Variants in KCNJ1 observed in about 807,000 individuals in gnomAD.
The protein encoded by KCNJ1 is potassium inwardly rectifying channel subfamily J member 1.
KCNJ1 carries 24 observed loss-of-function variants against 21.9 expected under a neutral mutation model. The ratio of observed to expected loss-of-function variants is 1.10; its 90% CI spans 0.79 to 1.54. The LOEUF (loss-of-function observed/expected upper bound fraction) is 1.54. Among genes scored for constraint, KCNJ1 ranks in the 40% most tolerant of loss-of-function variants. The pLI, the probability that KCNJ1 is intolerant of heterozygous loss-of-function variation, is 0.00. For synonymous variants in KCNJ1, 152 were observed against 160.9 expected, an observed-to-expected ratio of 0.94 and a Z score of 0.42; for missense variants, 457 against 455.4, an observed-to-expected ratio of 1.00 and a Z score of -0.03.
intron 1 of KCNJ1, among the ~76,000 whole-genome samples, chr11:128,851,830 C>T (rs980590840): frequency 1.3e-5 from 2 of 152,198 alleles, no homozygotes; most frequent in Non-Finnish European, 1.5e-5. Context: ...TATGGACACT[C>T]GGAGACTAGT....
chr11:128,861,060 A>C (rs2855800), intron 1 of KCNJ1, among the ~76,000 whole-genome samples: 41,824 of 152,156 alleles, frequency 0.27, 5,958 homozygotes, highest in South Asian at 0.35. Flanking sequence ...CCCAGGCACA[A>C]GCAGGGCCCA....
intron 1 of KCNJ1, chr11:128,866,626 T>C (rs1943820063): frequency 3.7e-6 from 2 of 547,512 alleles, no homozygotes; most frequent in Non-Finnish European, 4.7e-6. Flanking sequence ...AATGTATCCA[T>C]TCAGAATGGT....
In KCNJ1 at chr11:128,838,927, T is replaced by C; in HGVS notation, c.*198A>G. On this transcript the variant is annotated 3_prime_UTR_variant, in exon 3 of 3. Coordinates refer to ENST00000392666, the MANE Select transcript of KCNJ1 (RefSeq NM_153766.3). ...CATACACCAGTTTCATATAAATGCA[T>C]TGCACGTTCTAATACAGTAGCCTTG... 1 of 603,174 alleles carries C rather than the reference T, an allele frequency of 1.7e-6. No individual in the cohort carries two copies. The highest frequency in any genetic ancestry group is 2.9e-6 in the Non-Finnish European group (1 of 340,690). 37.4% of individuals were successfully genotyped at this position (603,174 alleles called of 1,614,324 possible).
At chr11:128,847,721 G>A (rs1270928218) in intron 2 of KCNJ1, among the ~76,000 whole-genome samples, 1 of 152,222 alleles carries the variant, frequency 6.6e-6, no homozygotes, top group African/African-American at 2.4e-5. Flanking sequence ...CTGGGAGCTA[G>A]TGAAGCCTGA....
chr11:128,840,657 A>C (rs1350717657), intron 2 of KCNJ1, among the ~76,000 whole-genome samples: 1 of 152,244 alleles, frequency 6.6e-6, no homozygotes, highest in East Asian at 1.9e-4. Context: ...CCTTATGTTA[A>C]GCAATAATTT....
rs140337094 is a variant in KCNJ1, at chr11:128,854,090, G to A, written c.-191-3200C>T. Among the ~76,000 whole-genome samples, 398 of 129,184 alleles carry A rather than the reference G, an allele frequency of 3.1e-3. 1 individual carries two copies. The highest frequency in any genetic ancestry group is 0.011 in the African/African-American group (372 of 33,350). 84.7% of individuals were successfully genotyped at this position (129,184 alleles called of 152,430 possible). On this transcript the variant is annotated intron_variant, in intron 1 of 2. Coordinates refer to ENST00000392666, the MANE Select transcript of KCNJ1 (RefSeq NM_153766.3). ...ACCTGGGCTCTGCAGGTCTGAGAAC[G>A]GTGTTTGGTTACGATCCTGGGTTGG... is the stretch of plus-strand genomic sequence containing the variant.
chr11:128,848,226 T>C (rs1025143140), intron 2 of KCNJ1, among the ~76,000 whole-genome samples: 14 of 144,978 alleles, frequency 9.7e-5, no homozygotes, highest in African/African-American at 3.6e-4. Context: ...AGGCGGAGCT[T>C]GCAGTGAGCC....
chr11:128,849,560 GAGGGTGTGTGTTGGAGGAGAAGACCAT>G (rs1731415475), intron 2 of KCNJ1, among the ~76,000 whole-genome samples: 2 of 152,218 alleles, frequency 1.3e-5, no homozygotes, highest in Admixed American at 1.3e-4. Context: ...GGTTGGATCT[GAGGGTGTGTGTTGGAGGAGAAGACCAT>G]AGGCCCTGAT....
intron 1 of KCNJ1, among the ~76,000 whole-genome samples, chr11:128,860,749 A>T (rs1167735270): frequency 6.6e-6 from 1 of 152,190 alleles, no homozygotes; most frequent in Non-Finnish European, 1.5e-5. Flanking sequence ...AGAAAAGTGG[A>T]GGCCAGGTGG....
chr11:128,850,782 T>C lies in KCNJ1; in HGVS notation c.-83A>G. On this transcript the variant is annotated 5_prime_UTR_variant, in exon 2 of 3. Transcript: ENST00000392666. The stretch of plus-strand genomic sequence containing the variant: ...CTTCATGTATAAGTAGATCTTGGGG[T>C]GACCAGCAAGAGCTGCTTGGTTTGG... The C allele has an allele frequency of 1.0e-6, 1 of 985,236 alleles. No individual in the cohort carries two copies. The highest frequency in any genetic ancestry group is 1.2e-6 in the Non-Finnish European group (1 of 829,780). 61.0% of individuals were successfully genotyped at this position (985,236 alleles called of 1,614,324 possible).
intron 2 of KCNJ1, among the ~76,000 whole-genome samples, chr11:128,844,913 G>A (rs1021377059): frequency 2.6e-5 from 4 of 152,262 alleles, no homozygotes; most frequent in Middle Eastern, 3.4e-3. Context: ...CACATCCTTA[G>A]GTAACTTTAG....
intron 1 of KCNJ1, among the ~76,000 whole-genome samples, chr11:128,854,214 C>A (rs1943538913): frequency 6.6e-6 from 1 of 152,256 alleles, no homozygotes. Context: ...ACCAGCCAAG[C>A]AAGAGCTCCT....
intron 1 of KCNJ1, among the ~76,000 whole-genome samples, chr11:128,856,073 C>G (rs1455064993): frequency 1.3e-5 from 2 of 151,782 alleles, no homozygotes; most frequent in East Asian, 3.8e-4. Flanking sequence ...CCCACCAGAA[C>G]TTCCGGGCGG....
intron 2 of KCNJ1, among the ~76,000 whole-genome samples, chr11:128,850,508 C>T (rs1943463759): frequency 6.6e-6 from 1 of 152,174 alleles, no homozygotes; most frequent in Non-Finnish European, 1.5e-5. Flanking sequence ...ACTCAAAGTG[C>T]TTGATTTTTG....
chr11:128,842,210 T>C (rs1245209722), intron 2 of KCNJ1, among the ~76,000 whole-genome samples: 2 of 152,248 alleles, frequency 1.3e-5, no homozygotes, highest in Non-Finnish European at 2.9e-5. Flanking sequence ...ACCCTGCTCC[T>C]CTAGCCTCCC....
intron 1 of KCNJ1, among the ~76,000 whole-genome samples, chr11:128,859,686 C>T (rs1223628259): frequency 6.6e-6 from 1 of 152,180 alleles, no homozygotes; most frequent in Non-Finnish European, 1.5e-5. Flanking sequence ...CCCTCCTCAC[C>T]TCCCTTCCCT....
intron 1 of KCNJ1, among the ~76,000 whole-genome samples, chr11:128,863,044 GCTC>G (rs1943748716): frequency 6.6e-6 from 1 of 152,220 alleles, no homozygotes; most frequent in Admixed American, 6.5e-5. Context: ...AAGCCAGAAA[GCTC>G]CTGAGAATTT....
intron 1 of KCNJ1, among the ~76,000 whole-genome samples, chr11:128,858,691 T>A (rs1223544266): frequency 1.3e-5 from 2 of 152,222 alleles, no homozygotes. Context: ...CTCAGTAGTT[T>A]ACGGAGCGTC....
At chr11:128,863,483 C>A (rs573244522) in intron 1 of KCNJ1, among the ~76,000 whole-genome samples, 1 of 152,292 alleles carries the variant, frequency 6.6e-6, no homozygotes, top group South Asian at 2.1e-4. Context: ...CTGTTGCATA[C>A]TGGGGAACCA....
Sources: allele counts gnomAD v4.1 joint callset (sites outside exome capture counted in the v4.1 genomes callset), GRCh38; gene constraint gnomAD v4.1.1; transcripts MANE v1.5; gene names NCBI Gene and HGNC (gene_info 2026-07-23, HGNC 2026-07-21).